Variants in PCBP3 observed in about 807,000 individuals in gnomAD.
The protein encoded by PCBP3 is poly(rC)-binding protein 3.
A neutral mutation model predicts 52.7 loss-of-function variants in PCBP3; 25 were observed. The observed-to-expected ratio is 0.47, with a 90% CI of 0.35 to 0.66. The LOEUF (loss-of-function observed/expected upper bound fraction) is 0.66, where lower values mean the gene tolerates loss of function less well. Ranked by LOEUF, PCBP3 falls within the 30% of genes least tolerant of loss-of-function variation. The probability of loss-of-function intolerance (pLI) is 0.01; values close to 1 mark genes in which losing one functional copy is unlikely to be tolerated. For synonymous variants in PCBP3, 162 were observed against 183.0 expected (o/e 0.89, Z 0.93); for missense variants, 391 against 490.3 (o/e 0.80, Z 1.91).
chr21:45,925,928 C>T (rs1013002869), intron 13 of PCBP3, among the ~76,000 whole-genome samples: 1 of 152,244 alleles, frequency 6.6e-6, no homozygotes, highest in African/African-American at 2.4e-5. Flanking sequence ...AAGGCATCAA[C>T]AGAACCACCC....
rs180849256 is a variant in PCBP3 at position 45,747,534 on chromosome 21, C to T, written c.-161-7883C>T. 1.8e-4 allele frequency among the ~76,000 whole-genome samples: 27 copies of T among 152,346 alleles called. No individual in the cohort carries two copies. In the East Asian group the frequency reaches 4.6e-3, roughly 26 times the overall value. On this transcript the variant is annotated intron_variant, in intron 3 of 17. Transcript: ENST00000681687. Reference sequence around the variant, plus strand: ...CGGTTCCAGCCCCTCCCAGCCAAGACCCAGGGCCTGCGGGGATGGGCAGCA... The same window carrying T: ...CGGTTCCAGCCCCTCCCAGCCAAGATCCAGGGCCTGCGGGGATGGGCAGCA...
intron 1 of PCBP3, among the ~76,000 whole-genome samples, chr21:45,645,583 G>A (rs920176477): frequency 2.6e-5 from 4 of 152,176 alleles, no homozygotes; most frequent in Non-Finnish European, 5.9e-5. Flanking sequence ...TCAACATATA[G>A]TTGTATTTTG....
chr21:45,864,923 G>A (rs1289801014), intron 5 of PCBP3, among the ~76,000 whole-genome samples: 1 of 152,266 alleles, frequency 6.6e-6, no homozygotes, highest in South Asian at 2.1e-4. Context: ...GCTTTTCTCT[G>A]CGTGAAAGTA....
intron 1 of PCBP3, among the ~76,000 whole-genome samples, chr21:45,647,240 G>C (rs1210014457): frequency 6.6e-6 from 1 of 152,180 alleles, no homozygotes; most frequent in East Asian, 1.9e-4. Context: ...CATCTCTTTT[G>C]TTGACAGAAA....
intron 4 of PCBP3, among the ~76,000 whole-genome samples, chr21:45,848,862 A>G (rs2093882429): frequency 6.6e-6 from 1 of 152,148 alleles, no homozygotes; most frequent in Non-Finnish European, 1.5e-5. Context: ...TGCGACTTGG[A>G]GAACATCATT....
At position 45,880,790 on chromosome 21, in the gene PCBP3, C is replaced by T. The variant is rs1380938004; in HGVS notation, c.11-15418C>T. 6.6e-6 allele frequency among the ~76,000 whole-genome samples: 1 copy of T among 152,134 alleles called. No individual in the cohort carries two copies. Among genetic ancestry groups the T allele is most frequent in the Non-Finnish European group, 1.5e-5 (1 of 68,018 alleles). On this transcript the variant is annotated intron_variant, in intron 5 of 17. Transcript: ENST00000681687. The surrounding 1 kb of genome is among the most constrained non-coding windows in gnomAD (Gnocchi z 5.4). ...CTGATAAGTGGGTGGGAGAACTCAC[C>T]CTGTCCCTGCCACGGAAGCCAGGGA... is the stretch of plus-strand genomic sequence containing the variant.
Position 45,670,206 on chromosome 21 carries a change from A to G in PCBP3, c.-200+1254A>G, listed in dbSNP as rs534805806. Among the ~76,000 whole-genome samples, 10 of 152,154 alleles carry G rather than the reference A, an allele frequency of 6.6e-5. No individual in the cohort carries two copies. The South Asian group carries it at 2.1e-3, about 31-fold the overall frequency. ...TTTGATTTGCTTTTCTCTAATGATT[A>G]GTAATGTTGACCATTTTTTCTTGTG... is the stretch of plus-strand genomic sequence containing the variant. On this transcript the variant is annotated intron_variant, in intron 2 of 17. Transcript: ENST00000681687.
chr21:45,804,236 G>A (rs1228529515), intron 4 of PCBP3, among the ~76,000 whole-genome samples: 1 of 152,180 alleles, frequency 6.6e-6, no homozygotes, highest in Non-Finnish European at 1.5e-5. Flanking sequence ...GCTCTGGCGT[G>A]TTCACAGTAC....
At chr21:45,822,941 G>A (rs549351805) in intron 4 of PCBP3, among the ~76,000 whole-genome samples, 11 of 152,250 alleles carry the variant, frequency 7.2e-5, no homozygotes, top group African/African-American at 2.2e-4. Flanking sequence ...CCATGGTATC[G>A]GGCACACCCT....
intron 2 of PCBP3, among the ~76,000 whole-genome samples, chr21:45,717,335 T>G (rs187110994): frequency 9.7e-4 from 148 of 152,296 alleles, no homozygotes; most frequent in Non-Finnish European, 1.4e-3. Flanking sequence ...TTCTTTTTCT[T>G]GCCTAATTGT....
chr21:45,758,617 T>C (rs1442088632), intron 4 of PCBP3, among the ~76,000 whole-genome samples: 1 of 152,206 alleles, frequency 6.6e-6, no homozygotes, highest in Non-Finnish European at 1.5e-5. Flanking sequence ...TTGGCTAGTG[T>C]ATATAATAAA....
At chr21:45,765,961 T>G (rs1172156761) in intron 4 of PCBP3, among the ~76,000 whole-genome samples, 2 of 152,292 alleles carry the variant, frequency 1.3e-5, no homozygotes, top group African/African-American at 2.4e-5. Flanking sequence ...GAAGGATGAG[T>G]GCAGTAACGT....
intron 16 of PCBP3, among the ~76,000 whole-genome samples, chr21:45,937,087 T>C (rs1410895755): frequency 6.6e-6 from 1 of 152,244 alleles, no homozygotes; most frequent in African/African-American, 2.4e-5. Context: ...GGCTGCCTGC[T>C]ACCTTCTTGG....
intron 4 of PCBP3, among the ~76,000 whole-genome samples, chr21:45,831,415 A>T (rs1034035670): frequency 8.9e-6 from 1 of 112,116 alleles, no homozygotes; most frequent in African/African-American, 3.1e-5. Flanking sequence ...TCTCAAAAAA[A>T]AAAAAAAAAA....
intron 3 of PCBP3, among the ~76,000 whole-genome samples, chr21:45,744,633 T>G (rs2086693966): frequency 1.3e-5 from 2 of 152,226 alleles, no homozygotes; most frequent in Admixed American, 6.5e-5. Context: ...TTACTATTAA[T>G]TTCTCATTTT....
intron 4 of PCBP3, among the ~76,000 whole-genome samples, chr21:45,815,411 G>A (rs2092883351): frequency 9.4e-6 from 1 of 106,756 alleles, no homozygotes. Flanking sequence ...AGTGAGTGGT[G>A]AGTGATGAGT....
At chr21:45,855,697 C>T (rs7280405) in intron 5 of PCBP3, among the ~76,000 whole-genome samples, 117,159 of 152,278 alleles carry the variant, frequency 0.77, 45,564 homozygotes, top group East Asian at 1. Flanking sequence ...GTCAGGCCCA[C>T]GTGTCTGTCT....
At chr21:45,834,715 G>A (rs772317880) in intron 4 of PCBP3, among the ~76,000 whole-genome samples, 2 of 152,236 alleles carry the variant, frequency 1.3e-5, no homozygotes, top group African/African-American at 2.4e-5. Context: ...AATCAGAGGC[G>A]TCTCTCAGAG....
intron 11 of PCBP3, 146 bp from the exon 12 acceptor site, chr21:45,913,805 C>T: frequency 1.4e-6 from 1 of 715,028 alleles, no homozygotes; most frequent in Non-Finnish European, 2.3e-6. Flanking sequence ...CTCCCCTCCC[C>T]CAGCACTGCT....
Sources: gnomAD v4.1 joint callset for allele counts (sites outside exome capture counted in the v4.1 genomes callset) on GRCh38, gnomAD v4.1.1 for gene constraint, Gnocchi (gnomAD v3.1) non-coding constraint, MANE v1.5 for transcripts, NCBI Gene and HGNC (gene_info 2026-07-23, HGNC 2026-07-21) for gene names.